SAMD4B: variants seen among roughly 807,000 people sequenced by gnomAD.
SAMD4B encodes the protein sterile alpha motif domain containing 4B.
SAMD4B carries 5 observed loss-of-function variants against 74.5 expected under a neutral mutation model. The ratio of observed to expected loss-of-function variants is 0.07; its 90% confidence interval spans 0.04 to 0.14. The LOEUF (loss-of-function observed/expected upper bound fraction) is 0.14. Among genes scored for constraint, SAMD4B ranks in the 10% least tolerant of loss-of-function variants. SAMD4B has a pLI of 1.00. For synonymous variants in SAMD4B, 373 were observed against 374.9 expected (o/e 1.00, Z 0.06); for missense variants, 608 against 921.8 (o/e 0.66, Z 4.41).
downstream of SAMD4B, chr19:39,390,669 A>C (rs2078360438): frequency 2.5e-6 from 2 of 805,898 alleles, no homozygotes; most frequent in Non-Finnish European, 4.1e-6. Flanking sequence ...GGAGGAGGGG[A>C]ACACCTGAAT....
At chr19:39,348,918 T>G (rs1283982195) in intron 1 of SAMD4B, among the ~76,000 whole-genome samples, 1 of 152,194 alleles carries the variant, frequency 6.6e-6, no homozygotes, top group Admixed American at 6.5e-5. Context: ...AATAGCCAAG[T>G]CATTTATGCC....
Position 39,369,787 on chromosome 19 carries a change from C to T in SAMD4B, c.329C>T (p.Ala110Val). The change falls in exon 4 of 14, where the codon GCC becomes GTC. Residue 110 changes from alanine (A) to valine (V), a missense_variant. This residue lies in a region of SAMD4B where 74 missense variants were observed against 182.0 expected (regional missense o/e 0.41). Coordinates refer to ENST00000610417, the MANE Select transcript of SAMD4B (RefSeq NM_001384574.2). ...EYMRLLQKVLAYSIESNAFIE... is the reference protein window; with the variant it reads ...EYMRLLQKVLVYSIESNAFIE... Reference sequence around the variant, plus strand: ...ATGAGGCTACTGCAGAAAGTGCTGGCCTACTCAATCGAGAGCAATGCTTTC... The same window carrying T: ...ATGAGGCTACTGCAGAAAGTGCTGGTCTACTCAATCGAGAGCAATGCTTTC... 6.2e-7 allele frequency: 1 copy of T among 1,614,236 alleles called. No homozygotes were observed. Among genetic ancestry groups the T allele is most frequent in the Non-Finnish European group, 8.5e-7 (1 of 1,180,036 alleles).
chr19:39,348,172 A>C (rs1413928509), intron 1 of SAMD4B: 1 of 152,192 alleles, frequency 6.6e-6, no homozygotes, highest in African/African-American at 2.4e-5. Flanking sequence ...AAGGTGGGGA[A>C]ATTTATCACA....
In SAMD4B at chr19:39,378,936, TGGCCCATAGGGCC is replaced by T. The variant is rs2077772365; in HGVS notation, c.1530+348_1530+360del. On this transcript the variant is annotated intron_variant, in intron 9 of 13. Coordinates refer to ENST00000610417, the MANE Select transcript of SAMD4B (RefSeq NM_001384574.2). The surrounding 1 kb of genome is among the most constrained non-coding windows in gnomAD (Gnocchi z 4.4). The stretch of plus-strand genomic sequence containing the variant: ...TTTCTCAAGACCATTGTGTTGTATG[TGGCCCATAGGGCC>T]TTACCTGACGTGGCACATGCCAGCC... Among the ~76,000 whole-genome samples the T allele has an allele frequency of 6.6e-6, 1 of 152,248 alleles. No individual in the cohort carries two copies. Among genetic ancestry groups the T allele is most frequent in the Non-Finnish European group, 1.5e-5 (1 of 68,038 alleles).
intron 1 of SAMD4B, chr19:39,350,153 C>T (rs776679822): frequency 4.6e-5 from 7 of 152,174 alleles, no homozygotes; most frequent in Non-Finnish European, 1.0e-4. Flanking sequence ...TGTATGAAGA[C>T]ATGCTAAGCA....
intron 1 of SAMD4B, among the ~76,000 whole-genome samples, chr19:39,343,478 C>G (rs1405636912): frequency 6.6e-6 from 1 of 151,104 alleles, no homozygotes; most frequent in Non-Finnish European, 1.5e-5. Context: ...CCCCTCCCCA[C>G]CGTATTGCAA....
rs532716586 is a variant in SAMD4B, at chr19:39,378,646, C to G, written c.1530+57C>G. 4 of 1,481,248 alleles carry G rather than the reference C, an allele frequency of 2.7e-6. No homozygotes were observed. In the African/African-American group the frequency reaches 5.6e-5, roughly 21 times the overall value. The allele number at this position is 1,481,248 out of a possible 1,614,324, so 91.8% of individuals were successfully genotyped here. On this transcript the variant is annotated intron_variant, in intron 9 of 13. Transcript: ENST00000610417. The surrounding 1 kb of genome is among the most constrained non-coding windows in gnomAD (Gnocchi z 4.4). ...AAAGGCGGCCAGGCGTGGTGGTTCACGCCTGTAGTCCCAGCACTTCGGCCA... is the reference window on the plus strand; with the variant it reads ...AAAGGCGGCCAGGCGTGGTGGTTCAGGCCTGTAGTCCCAGCACTTCGGCCA...
downstream of SAMD4B, chr19:39,389,811 C>T (rs2078334173): frequency 3.7e-6 from 6 of 1,611,880 alleles, no homozygotes; most frequent in Non-Finnish European, 4.2e-6. The surrounding 1 kb of genome is among the most constrained non-coding windows in gnomAD (Gnocchi z 5.3). Context: ...CTTCACCCCT[C>T]ACAGCCCTGC....
At chr19:39,388,604 TC>T, downstream of SAMD4B, 1 of 1,614,138 alleles carries the variant, frequency 6.2e-7, no homozygotes, top group Non-Finnish European at 8.5e-7. Flanking sequence ...GGTCCCGCTT[TC>T]GTTTCTTCAA....
chr19:39,356,607 G>A (rs2076355418), intron 2 of SAMD4B, 82 bp from the exon 3 acceptor site: 1 of 280,198 alleles, frequency 3.6e-6, no homozygotes, highest in Non-Finnish European at 6.7e-6. Flanking sequence ...AAGGCATGAG[G>A]CCTTCATGCC....
At chr19:39,344,488 A>G (rs2075567689) in intron 1 of SAMD4B, among the ~76,000 whole-genome samples, 2 of 151,526 alleles carry the variant, frequency 1.3e-5, no homozygotes, top group African/African-American at 4.9e-5. Context: ...TCAGCCACCC[A>G]CTCCCAGCGC....
At chr19:39,386,562 T>C (rs990816879), downstream of SAMD4B, 1 of 1,614,126 alleles carries the variant, frequency 6.2e-7, no homozygotes, top group Non-Finnish European at 8.5e-7. The surrounding 1 kb of genome is among the most constrained non-coding windows in gnomAD (Gnocchi z 6.1). Context: ...TAGCTGGGCC[T>C]TCCGTGCCTC....
intron 3 of SAMD4B, among the ~76,000 whole-genome samples, chr19:39,364,623 C>CA (rs2076847503): frequency 6.6e-6 from 1 of 152,156 alleles, no homozygotes; most frequent in African/African-American, 2.4e-5. Context: ...TCTTCTTTCT[C>CA]ATCAAGAACT....
chr19:39,357,155 TAAG>T (rs1007164522), intron 3 of SAMD4B, 66 bp downstream of exon 3: 33 of 1,416,848 alleles, frequency 2.3e-5, no homozygotes, highest in Non-Finnish European at 2.9e-5. Flanking sequence ...GTCACATGGC[TAAG>T]AAGGTCAACC....
chr19:39,356,649 G>C lies in SAMD4B; in HGVS notation c.-205-40G>C, dbSNP rs576596465. ...ACCCACACTCACCAGGCAAGTTTCA[G>C]CCCCTTCTTTCTGTTTGACCCCTTT... On this transcript the variant is annotated intron_variant, in intron 2 of 13. Coordinates refer to ENST00000610417, the MANE Select transcript of SAMD4B (RefSeq NM_001384574.2). 3 of 416,010 alleles carry C rather than the reference G, an allele frequency of 7.2e-6. No homozygotes were observed. The East Asian group carries it at 1.2e-4, about 16-fold the overall frequency. 25.8% of individuals were successfully genotyped at this position (416,010 alleles called of 1,614,324 possible).
intron 1 of SAMD4B, among the ~76,000 whole-genome samples, chr19:39,352,809 A>G (rs2076126837): frequency 6.6e-6 from 1 of 152,190 alleles, no homozygotes; most frequent in Admixed American, 6.5e-5. Context: ...ACCCAGTAAA[A>G]GAATTTATGG....
intron 3 of SAMD4B, among the ~76,000 whole-genome samples, chr19:39,362,934 T>G (rs1339509082): frequency 6.6e-6 from 1 of 152,026 alleles, no homozygotes; most frequent in Non-Finnish European, 1.5e-5. Flanking sequence ...CCCTCCACTT[T>G]CAGGCTCTGC....
chr19:39,357,075 A>C lies in SAMD4B; in HGVS notation c.182A>C (p.Glu61Ala), dbSNP rs780189932. The C allele has an allele frequency of 6.2e-7, 1 of 1,610,470 alleles. No homozygotes were observed. The highest frequency in any genetic ancestry group is 8.5e-7 in the Non-Finnish European group (1 of 1,177,238). The change falls in exon 3 of 14, where the codon GAG (glutamate) becomes GCG (alanine). Residue 61 changes from glutamate (E) to alanine (A), a missense_variant. Glu to Ala is a moderately radical substitution (Grantham distance 107). Coordinates refer to ENST00000610417, the MANE Select transcript of SAMD4B (RefSeq NM_001384574.2). Reference protein sequence around the residue: ...DCNDIHLLESEANSAAIVSQW... With the variant: ...DCNDIHLLESAANSAAIVSQW... Reference sequence around the variant, plus strand: ...AATGACATCCACCTGCTGGAGTCGGAGGCCAACAGTGCTGGTGAGTTTCCA... The same window carrying C: ...AATGACATCCACCTGCTGGAGTCGGCGGCCAACAGTGCTGGTGAGTTTCCA...
At chr19:39,353,939 C>G (rs1033571190) in intron 1 of SAMD4B, 67 bp from the exon 2 acceptor site, 8 of 152,164 alleles carry the variant, frequency 5.3e-5, no homozygotes, top group Non-Finnish European at 1.0e-4. Context: ...TTATATCATA[C>G]AATGTGGGAT....
Sources: gnomAD v4.1 joint callset for allele counts (sites outside exome capture counted in the v4.1 genomes callset) on GRCh38, gnomAD v4.1.1 for gene constraint, gnomAD v4.1.1 regional missense constraint, Gnocchi (gnomAD v3.1) non-coding constraint, MANE v1.5 for transcripts, NCBI Gene and HGNC (gene_info 2026-07-23, HGNC 2026-07-21) for gene names.